The following OTUD7A variants were observed in gnomAD, a reference collection of about 807,000 sequenced individuals.
OTUD7A encodes OTU deubiquitinase 7A, also known as OTU domain-containing protein 7A.
OTUD7A carries 12 observed loss-of-function variants against 65.7 expected under a neutral mutation model. The ratio of observed to expected loss-of-function variants is 0.18; its 90% CI spans 0.12 to 0.30. The LOEUF (loss-of-function observed/expected upper bound fraction) is 0.30. Among genes scored for constraint, OTUD7A ranks in the 10% least tolerant of loss-of-function variants. The pLI is 1.00. For synonymous variants in OTUD7A, 641 were observed against 586.3 expected (o/e 1.09, Z -1.35); for missense variants, 1,148 against 1,304.8 (o/e 0.88, Z 1.85).
chr15:31,863,329 G>A (rs910712562), intron 1 of OTUD7A, among the ~76,000 whole-genome samples: 6 of 152,316 alleles, frequency 3.9e-5, no homozygotes, highest in African/African-American at 1.4e-4. Context: ...GGAGGGACTT[G>A]TGTGGGGGCT....
chr15:31,536,436 C>T (rs1822774516), intron 5 of OTUD7A, among the ~76,000 whole-genome samples: 1 of 152,146 alleles, frequency 6.6e-6, no homozygotes, highest in African/African-American at 2.4e-5. Context: ...CATGCACCTC[C>T]CTAGGGCCTT....
chr15:31,484,629 G>T lies in OTUD7A; in HGVS notation c.1467C>A (p.Cys489Ter). The part of the protein sequence containing the change: ...DSLDSDRDSV[C>*]SNSNSNNGKN... ...TGCCGTTATTGCTGTTAGAATTGCT[G>T]CACACCGAATCGCGGTCCGAGTCCA... is the stretch of plus-strand genomic sequence containing the variant. The change falls in exon 13 of 13, where the codon TGC becomes TGA. Residue 489 changes from cysteine (C) to a stop codon, truncating the protein, a stop_gained. Coordinates refer to ENST00000307050, the MANE Select transcript of OTUD7A (RefSeq NM_001382637.1). LOFTEE classifies it low-confidence loss of function (END_TRUNC). The surrounding 1 kb of genome is among the most constrained non-coding windows in gnomAD (Gnocchi z 4.5). The T allele has an allele frequency of 6.3e-7, 1 of 1,595,852 alleles. No homozygotes were observed.
rs574105083 is a variant in OTUD7A at position 31,736,826 on chromosome 15, T to C, written c.-99-79749A>G. 1.6e-3 allele frequency among the ~76,000 whole-genome samples: 240 copies of C among 152,180 alleles called. 7 individuals are homozygous for C. In the South Asian group the frequency reaches 0.048, roughly 31 times the overall value. ...TGACTTTGGCTTAAGACCTTCTTTT[T>C]TTTGGGGGGGCGGGGGGACGGAGTC... On this transcript the variant is annotated intron_variant, in intron 1 of 12. Transcript: ENST00000307050.
At chr15:31,582,048 C>T (rs1889388583) in intron 3 of OTUD7A, among the ~76,000 whole-genome samples, 1 of 152,218 alleles carries the variant, frequency 6.6e-6, no homozygotes. Context: ...CTCTTGAATG[C>T]TTTGCTACTC....
chr15:31,671,844 G>A (rs190905077), intron 1 of OTUD7A, among the ~76,000 whole-genome samples: 36 of 152,176 alleles, frequency 2.4e-4, no homozygotes, highest in African/African-American at 7.7e-4. Flanking sequence ...TGGGGGTTTG[G>A]TGTACAGATT....
intron 1 of OTUD7A, among the ~76,000 whole-genome samples, chr15:31,816,707 T>A: frequency 6.6e-6 from 1 of 151,962 alleles, no homozygotes; most frequent in South Asian, 2.1e-4. Context: ...AAAATTAGAA[T>A]CACATGTTAA....
Position 31,511,041 on chromosome 15 carries a change from C to CATGTATATCTATATGTAACATAT in OTUD7A, c.894-7224_894-7223insATATGTTACATATAGATATACAT. Among the ~76,000 whole-genome samples the CATGTATATCTATATGTAACATAT allele has an allele frequency of 1.4e-4, 2 of 13,846 alleles. 1 individual carries two copies. Among genetic ancestry groups the CATGTATATCTATATGTAACATAT allele is most frequent in the Non-Finnish European group, 2.3e-4 (2 of 8,696 alleles). 9.1% of individuals were successfully genotyped at this position (13,846 alleles called of 152,430 possible). ...TACATGTATATCTATATGTAACATA[C>CATGTATATCTATATGTAACATAT]ATGTATATCTATATGTAACATACAT... On this transcript the variant is annotated intron_variant, in intron 8 of 12. Transcript: ENST00000307050.
intron 1 of OTUD7A, among the ~76,000 whole-genome samples, chr15:31,749,971 C>A (rs1389073892): frequency 1.3e-5 from 2 of 151,892 alleles, no homozygotes; most frequent in Non-Finnish European, 2.9e-5. Context: ...ACAATGGCCA[C>A]ACAAAAAAAT....
intron 5 of OTUD7A, among the ~76,000 whole-genome samples, chr15:31,550,308 C>T (rs1167683097): frequency 1.3e-5 from 2 of 152,122 alleles, no homozygotes; most frequent in African/African-American, 4.8e-5. Context: ...AGACAGCATG[C>T]ACCCTGGGCA....
In OTUD7A at chr15:31,738,155, G is replaced by T. The variant is rs1369855952; in HGVS notation, c.-99-81078C>A. On this transcript the variant is annotated intron_variant, in intron 1 of 12. Transcript: ENST00000307050. ...AACAAGGCAGAGAATTTCCAGGAGGGAATAATTAGTTAAATAGGAGACAGC... is the reference window on the plus strand; with the variant it reads ...AACAAGGCAGAGAATTTCCAGGAGGTAATAATTAGTTAAATAGGAGACAGC... Among the ~76,000 whole-genome samples the T allele has an allele frequency of 2.0e-5, 3 of 152,064 alleles. No homozygotes were observed. The East Asian group carries it at 5.8e-4, about 29-fold the overall frequency.
intron 1 of OTUD7A, among the ~76,000 whole-genome samples, chr15:31,724,862 G>A (rs1199135855): frequency 1.3e-5 from 2 of 152,026 alleles, no homozygotes; most frequent in African/African-American, 4.8e-5. Context: ...TCCTGTTGAA[G>A]CCAGCTACAA....
intron 1 of OTUD7A, among the ~76,000 whole-genome samples, chr15:31,827,367 G>A (rs950187810): frequency 3.3e-5 from 5 of 152,184 alleles, no homozygotes; most frequent in African/African-American, 1.2e-4. Flanking sequence ...ATCAGATTTT[G>A]TGAGACGTAT....
rs1303237202 is a variant in OTUD7A at position 31,481,024 on chromosome 15, G to A, written c.*2270C>T. On this transcript the variant is annotated 3_prime_UTR_variant, in exon 13 of 13. Coordinates refer to ENST00000307050, the MANE Select transcript of OTUD7A (RefSeq NM_001382637.1). ...TTACGTACTCTGCCTGGTTTGGAAG[G>A]TTTTCCTCTATTACAATGGACGGTT... The A allele has an allele frequency of 1.3e-5, 2 of 152,178 alleles. No individual in the cohort carries two copies. The highest frequency in any genetic ancestry group is 2.9e-5 in the Non-Finnish European group (2 of 68,036). 9.4% of individuals were successfully genotyped at this position (152,178 alleles called of 1,614,324 possible).
chr15:31,602,581 A>G (rs144596157), intron 3 of OTUD7A, among the ~76,000 whole-genome samples: 2 of 152,202 alleles, frequency 1.3e-5, no homozygotes, highest in Non-Finnish European at 2.9e-5. Context: ...CCTATTCAAC[A>G]TAGTATTGGA....
chr15:31,756,903 A>G (rs1488814077), intron 1 of OTUD7A, among the ~76,000 whole-genome samples: 1 of 152,120 alleles, frequency 6.6e-6, no homozygotes, highest in Non-Finnish European at 1.5e-5. Context: ...AAGATTGTAT[A>G]CTGGGTATGT....
chr15:31,550,724 T>C (rs946330571), intron 5 of OTUD7A, among the ~76,000 whole-genome samples: 1 of 152,100 alleles, frequency 6.6e-6, no homozygotes, highest in Admixed American at 6.5e-5. Context: ...AGCTGCCAAA[T>C]GTGTGGTAAT....
intron 1 of OTUD7A, among the ~76,000 whole-genome samples, chr15:31,720,462 C>T (rs1296291486): frequency 7.3e-5 from 11 of 150,444 alleles, no homozygotes; most frequent in African/African-American, 2.7e-4. Flanking sequence ...TGCGGTGGCG[C>T]GCTCTCAGCT....
At chr15:31,583,428 G>T (rs1566930421) in intron 3 of OTUD7A, among the ~76,000 whole-genome samples, 1 of 152,088 alleles carries the variant, frequency 6.6e-6, no homozygotes, top group African/African-American at 2.4e-5. Context: ...GATATGGTTT[G>T]GCTGTGTCCC....
At chr15:31,659,033 GAATGAATGAATAAATAAATAAATAAATA>G (rs1892076809) in intron 1 of OTUD7A, among the ~76,000 whole-genome samples, 1 of 113,792 alleles carries the variant, frequency 8.8e-6, no homozygotes, top group Non-Finnish European at 1.8e-5. Flanking sequence ...ATGAATGAAT[GAATGAATGAATAAATAAATAAATAAATA>G]AATAAATAAA....
Sources: gnomAD v4.1 joint callset for allele counts (sites outside exome capture counted in the v4.1 genomes callset) on GRCh38, gnomAD v4.1.1 for gene constraint, Gnocchi (gnomAD v3.1) non-coding constraint, MANE v1.5 for transcripts, NCBI Gene and HGNC (gene_info 2026-07-23, HGNC 2026-07-21) for gene names.